The following CENPP variants were observed in gnomAD, a reference collection of about 807,000 sequenced individuals.
CENPP encodes the protein centromere protein P.
A neutral mutation model predicts 35.6 loss-of-function variants in CENPP; 24 were observed. The ratio of observed to expected loss-of-function variants is 0.67; its 90% confidence interval spans 0.49 to 0.95. CENPP has a LOEUF of 0.95. Ranked by LOEUF, CENPP falls within the 40% of genes least tolerant of loss-of-function variation. The pLI, the probability that CENPP is intolerant of heterozygous loss-of-function variation, is 0.00. For synonymous variants in CENPP, 120 were observed against 125.5 expected, an observed-to-expected ratio of 0.96 and a Z score of 0.29; for missense variants, 332 against 345.3, an observed-to-expected ratio of 0.96 and a Z score of 0.31.
At chr9:92,532,042 T>TTTTTTTTTG (rs1563990376) in intron 5 of CENPP, among the ~76,000 whole-genome samples, 3 of 144,554 alleles carry the variant, frequency 2.1e-5, no homozygotes, top group Admixed American at 6.8e-5. Context: ...TTATTTTTTT[T>TTTTTTTTTG]TTGAGATGAG....
At chr9:92,592,797 GGT>G (rs1185004001) in intron 5 of CENPP, among the ~76,000 whole-genome samples, 1 of 152,152 alleles carries the variant, frequency 6.6e-6, no homozygotes, top group Non-Finnish European at 1.5e-5. Flanking sequence ...TAGCCAGTTG[GGT>G]GTGTGTGTCA....
At chr9:92,435,727 C>T (rs1429636662) in intron 5 of CENPP, among the ~76,000 whole-genome samples, 2 of 152,174 alleles carry the variant, frequency 1.3e-5, no homozygotes, top group African/African-American at 4.8e-5. Flanking sequence ...ATTTGAGGTG[C>T]TGCATGTATC....
intron 5 of CENPP, among the ~76,000 whole-genome samples, chr9:92,427,505 A>G (rs1433973567): frequency 6.6e-6 from 1 of 150,942 alleles, no homozygotes; most frequent in African/African-American, 2.4e-5. Context: ...TTTGAGATGG[A>G]GTTCCACTCT....
chr9:92,447,219 T>G (rs1844575088), intron 5 of CENPP, among the ~76,000 whole-genome samples: 1 of 126,798 alleles, frequency 7.9e-6, no homozygotes, highest in South Asian at 2.2e-4. Context: ...TTGTGTACTT[T>G]GTTTCTATTA....
At chr9:92,428,459 C>G (rs536453318) in intron 5 of CENPP, among the ~76,000 whole-genome samples, 7 of 152,274 alleles carry the variant, frequency 4.6e-5, no homozygotes, top group African/African-American at 1.7e-4. Context: ...CAGGTCCCAC[C>G]AAACCTTGAG....
At chr9:92,427,573 C>T (rs578005647) in intron 5 of CENPP, among the ~76,000 whole-genome samples, 7 of 152,214 alleles carry the variant, frequency 4.6e-5, no homozygotes, top group East Asian at 1.9e-4. Context: ...CTCTGCCTCC[C>T]GGGTTTAAGC....
At chr9:92,348,818 G>A (rs1351676997) in intron 4 of CENPP, among the ~76,000 whole-genome samples, 1 of 152,150 alleles carries the variant, frequency 6.6e-6, no homozygotes, top group Non-Finnish European at 1.5e-5. Context: ...ATTCTGAGTA[G>A]ACAGGTTTAA....
chr9:92,494,713 C>G (rs975467216), intron 5 of CENPP, among the ~76,000 whole-genome samples: 1 of 152,064 alleles, frequency 6.6e-6, no homozygotes, highest in Admixed American at 6.5e-5. Context: ...TTGAGACCAT[C>G]CTGGCCAACA....
chr9:92,454,676 T>G (rs957603730), intron 5 of CENPP, among the ~76,000 whole-genome samples: 2 of 152,162 alleles, frequency 1.3e-5, no homozygotes, highest in African/African-American at 4.8e-5. Flanking sequence ...TTACAAAGCA[T>G]TGCATATATA....
At position 92,347,504 on chromosome 9, in the gene CENPP, C is replaced by T. The variant is rs568901808; in HGVS notation, c.467+1717C>T. 1.8e-4 allele frequency among the ~76,000 whole-genome samples: 27 copies of T among 152,276 alleles called. 1 individual carries two copies. In the South Asian group the frequency reaches 5.6e-3, roughly 32 times the overall value. On this transcript the variant is annotated intron_variant, in intron 4 of 7. Coordinates refer to ENST00000375587, the MANE Select transcript of CENPP (RefSeq NM_001012267.3). ...CTGGATTTTATTCCAGATTCAACTA[C>T]GTGTAAGTTACCTCTCCTTTTGGAG... is the stretch of plus-strand genomic sequence containing the variant.
intron 5 of CENPP, among the ~76,000 whole-genome samples, chr9:92,430,305 T>C (rs2130985913): frequency 6.6e-6 from 1 of 152,326 alleles, no homozygotes; most frequent in East Asian, 1.9e-4. Context: ...AGTTTTTTTA[T>C]GTATAAGGGA....
At chr9:92,330,508 T>C (rs1271503217) in intron 1 of CENPP, among the ~76,000 whole-genome samples, 1 of 151,964 alleles carries the variant, frequency 6.6e-6, no homozygotes, top group Admixed American at 6.6e-5. Context: ...AGAATTGGGA[T>C]AATTATGCCC....
At chr9:92,517,763 T>A in intron 5 of CENPP, 1 of 1,614,174 alleles carries the variant, frequency 6.2e-7, no homozygotes, top group Non-Finnish European at 8.5e-7. Flanking sequence ...GGCACATGGT[T>A]TCATCACAAA....
intron 5 of CENPP, among the ~76,000 whole-genome samples, chr9:92,609,685 CT>C (rs1316673925): frequency 6.6e-6 from 1 of 152,268 alleles, no homozygotes; most frequent in East Asian, 1.9e-4. Context: ...CCTGTCACCC[CT>C]GACCCTGCAA....
chr9:92,606,776 C>G (rs966608621), intron 5 of CENPP, among the ~76,000 whole-genome samples: 2 of 151,988 alleles, frequency 1.3e-5, no homozygotes, highest in Non-Finnish European at 1.5e-5. Flanking sequence ...TGGTGGCACG[C>G]GTCTGTAGTC....
intron 4 of CENPP, among the ~76,000 whole-genome samples, chr9:92,364,651 C>A (rs1463821355): frequency 1.3e-5 from 2 of 152,084 alleles, no homozygotes; most frequent in African/African-American, 2.4e-5. Context: ...TATGTAAATT[C>A]TTAAATAAAT....
intron 5 of CENPP, among the ~76,000 whole-genome samples, chr9:92,429,198 A>G (rs1456041860): frequency 6.6e-6 from 1 of 152,052 alleles, no homozygotes; most frequent in Non-Finnish European, 1.5e-5. Flanking sequence ...CATTTTCTGA[A>G]TGTTTCTATT....
chr9:92,503,590 C>A (rs187343827), intron 5 of CENPP, among the ~76,000 whole-genome samples: 61 of 152,284 alleles, frequency 4.0e-4, no homozygotes, highest in African/African-American at 1.3e-3. Context: ...GTTTAGTTGG[C>A]ATTAGAGGGA....
At chr9:92,512,176 GTA>G in intron 5 of CENPP, 2 of 1,255,758 alleles carry the variant, frequency 1.6e-6, no homozygotes, top group Non-Finnish European at 2.3e-6. Flanking sequence ...ATACATACAT[GTA>G]CACACATGTA....
Sources: gnomAD v4.1 joint callset for allele counts (sites outside exome capture counted in the v4.1 genomes callset) on GRCh38, gnomAD v4.1.1 for gene constraint, MANE v1.5 for transcripts, NCBI Gene and HGNC (gene_info 2026-07-23, HGNC 2026-07-21) for gene names.